MSL2: variants seen among roughly 807,000 people sequenced by gnomAD.
MSL2 encodes the protein E3 ubiquitin-protein ligase MSL2.
In MSL2, 2 loss-of-function variants were observed where a neutral mutation model predicts 35.8. The ratio of observed to expected loss-of-function variants is 0.06; its 90% CI spans 0.02 to 0.18. The LOEUF (loss-of-function observed/expected upper bound fraction) is 0.18. Ranked by LOEUF, MSL2 falls within the 10% of genes least tolerant of loss-of-function variation. The pLI is 1.00. For missense variants in MSL2, 523 were observed against 706.7 expected (o/e 0.74, Z 2.95); for synonymous variants, 296 against 255.7 (o/e 1.16, Z -1.50).
chr3:136,195,291 A>T lies in MSL2; in HGVS notation c.-178T>A. ...TGTGGAGCTGAAACAATCCTCCCAC[A>T]CATGGGGCCTTGGCGCCCCTCCGTC... On this transcript the variant is annotated 5_prime_UTR_variant, in exon 1 of 2. Coordinates refer to ENST00000309993, the MANE Select transcript of MSL2 (RefSeq NM_018133.4). The T allele has an allele frequency of 3.5e-6, 5 of 1,422,500 alleles. No individual in the cohort carries two copies. Among genetic ancestry groups the T allele is most frequent in the Non-Finnish European group, 3.7e-6 (4 of 1,094,288 alleles). 88.1% of individuals were successfully genotyped at this position (1,422,500 alleles called of 1,614,324 possible). A position where few individuals can be genotyped will look rare whatever the true frequency, so the allele number is the denominator to read the frequency against.
rs1940820795 is a variant in MSL2, at chr3:136,195,649, G to A, written c.-536C>T. The A allele has an allele frequency of 2.0e-6, 2 of 980,406 alleles. No individual in the cohort carries two copies. The highest frequency in any genetic ancestry group is 4.7e-5 in the South Asian group (1 of 21,248). 60.7% of individuals were successfully genotyped at this position (980,406 alleles called of 1,614,324 possible). On this transcript the variant is annotated 5_prime_UTR_variant, in exon 1 of 2. Transcript: ENST00000309993. ...ACGACGGTCGGGCAGCGGCTTCCCG[G>A]ATCTAGTGCAAGACGCCGCGGCGGC...
At chr3:136,190,481 G>T (rs1940656654) in intron 1 of MSL2, among the ~76,000 whole-genome samples, 1 of 151,414 alleles carries the variant, frequency 6.6e-6, no homozygotes, top group Non-Finnish European at 1.5e-5. Context: ...GGAGTTGGAG[G>T]CTGCAGTGAA....
At chr3:136,160,734 G>A (rs1019315538) in intron 1 of MSL2, among the ~76,000 whole-genome samples, 6 of 150,240 alleles carry the variant, frequency 4.0e-5, no homozygotes, top group Non-Finnish European at 7.4e-5. Context: ...AATTCAAATC[G>A]GTAAAATGAC....
chr3:136,152,332 G>A lies in MSL2; in HGVS notation c.549C>T (p.Ser183=). 1 of 1,614,136 alleles carries A rather than the reference G, an allele frequency of 6.2e-7. No homozygotes were observed. Among genetic ancestry groups the A allele is most frequent in the South Asian group, 1.1e-5 (1 of 91,090 alleles). ...SLSPMSESTL[S]IAIGSSVING... is the part of the protein sequence containing the mutation. ...TGATAACAGAACTGCCAATAGCAAT[G>A]CTGAGGGTGCTTTCAGACATTGGAG... The change falls in exon 2 of 2, where the codon AGC becomes AGT. Residue 183 remains serine, a synonymous_variant. Transcript: ENST00000309993.
chr3:136,162,800 G>T (rs1002231817), intron 1 of MSL2, among the ~76,000 whole-genome samples: 2 of 152,090 alleles, frequency 1.3e-5, no homozygotes, highest in African/African-American at 4.8e-5. Flanking sequence ...ACAATCCAAA[G>T]AGTAACTATT....
chr3:136,180,681 CAG>C lies in MSL2; in HGVS notation c.142+14289_142+14290del, dbSNP rs370961704. 7.3e-3 allele frequency among the ~76,000 whole-genome samples: 1,078 copies of C among 147,776 alleles called. 17 individuals carry two copies. The highest frequency in any genetic ancestry group is 0.026 in the African/African-American group (1,017 of 39,870). On this transcript the variant is annotated intron_variant, in intron 1 of 1. Coordinates refer to ENST00000309993, the MANE Select transcript of MSL2 (RefSeq NM_018133.4). ...CACCACTGCACTCCAGCCTGGGCGA[CAG>C]AGCAAGACTCCGTCTCAGAAAAAAA...
chr3:136,153,077 TTAAAA>T, intron 1 of MSL2: 1 of 984,890 alleles, frequency 1.0e-6, no homozygotes, highest in Non-Finnish European at 1.2e-6. Flanking sequence ...CAAACTAGGG[TTAAAA>T]CCCTTTGGAT....
chr3:136,151,755 G>A lies in MSL2; in HGVS notation c.1126C>T (p.Arg376Trp). The change falls in exon 2 of 2, where the codon CGG becomes TGG. Residue 376 changes from arginine (R) to tryptophan (W), a missense_variant. This residue lies in a region of MSL2 where 361 missense variants were observed against 414.6 expected (regional missense o/e 0.87). Coordinates refer to ENST00000309993, the MANE Select transcript of MSL2 (RefSeq NM_018133.4). The surrounding 1 kb of genome is among the most constrained non-coding windows in gnomAD (Gnocchi z 5.2). ...LGASAPVTVK[R>W]ESKISLQPIA... ...GGTTGAAGAGAAATTTTGCTCTCCC[G>A]TTTCACTGTCACAGGAGCAGATGCC... 1.2e-6 allele frequency: 2 copies of A among 1,614,138 alleles called. No homozygotes were observed. Among genetic ancestry groups the A allele is most frequent in the Non-Finnish European group, 1.7e-6 (2 of 1,180,032 alleles).
chr3:136,179,677 G>A (rs1559968594), intron 1 of MSL2, among the ~76,000 whole-genome samples: 1 of 152,150 alleles, frequency 6.6e-6, no homozygotes, highest in East Asian at 1.9e-4. Flanking sequence ...CAGCATATTA[G>A]GCAAGATTAT....
intron 1 of MSL2, among the ~76,000 whole-genome samples, chr3:136,181,166 A>G (rs1427009516): frequency 6.6e-6 from 1 of 151,860 alleles, no homozygotes; most frequent in Non-Finnish European, 1.5e-5. Flanking sequence ...AAAAAGAAAA[A>G]AGTAACAAAA....
intron 1 of MSL2, among the ~76,000 whole-genome samples, chr3:136,176,463 C>G (rs1006317304): frequency 7.0e-6 from 1 of 142,658 alleles, no homozygotes; most frequent in Admixed American, 7.4e-5. Context: ...TGTATTGAGC[C>G]AAGATCGTGT....
intron 1 of MSL2, among the ~76,000 whole-genome samples, chr3:136,161,481 G>A (rs1039712984): frequency 6.6e-6 from 1 of 152,196 alleles, no homozygotes; most frequent in Non-Finnish European, 1.5e-5. Context: ...CCATTAATTG[G>A]TGAGTAGATA....
rs71157361 is a variant in MSL2 at position 136,159,354 on chromosome 3, C to CTTTTTTTTTTTTTTTTTTTT, written c.143-6636_143-6617dup. 2.0e-4 allele frequency among the ~76,000 whole-genome samples: 14 copies of CTTTTTTTTTTTTTTTTTTTT among 70,052 alleles called. 2 individuals are homozygous for CTTTTTTTTTTTTTTTTTTTT. Among genetic ancestry groups the CTTTTTTTTTTTTTTTTTTTT allele is most frequent in the African/African-American group, 7.2e-4 (13 of 17,990 alleles). 46.0% of individuals were successfully genotyped at this position (70,052 alleles called of 152,430 possible). A position where few individuals can be genotyped will look rare whatever the true frequency, so the allele number is the denominator to read the frequency against. ...TTCAATGGGGAAAGGAGAGTACTTT[C>CTTTTTTTTTTTTTTTTTTTT]TTTTTTTTTTTTTTTTTTTTTTTTT... On this transcript the variant is annotated intron_variant, in intron 1 of 1. Transcript: ENST00000309993.
rs1419786420 is a variant in MSL2, at chr3:136,195,475, T to C, written c.-362A>G. On this transcript the variant is annotated 5_prime_UTR_variant, in exon 1 of 2. An upstream start codon of the reference 5' UTR is lost. Coordinates refer to ENST00000309993, the MANE Select transcript of MSL2 (RefSeq NM_018133.4). ...GCAGGCGGCCTGCACTCGAGCTCCA[T>C]CTCCGGACACGGAGGCGCCTCCTCA... 21 of 1,021,128 alleles carry C rather than the reference T, an allele frequency of 2.1e-5. No individual in the cohort carries two copies. The highest frequency in any genetic ancestry group is 2.2e-5 in the Non-Finnish European group (19 of 852,880). 63.3% of individuals were successfully genotyped at this position (1,021,128 alleles called of 1,614,324 possible). A position where few individuals can be genotyped will look rare whatever the true frequency, so the allele number is the denominator to read the frequency against.
chr3:136,167,290 T>G (rs1283494337), intron 1 of MSL2, among the ~76,000 whole-genome samples: 2 of 152,056 alleles, frequency 1.3e-5, no homozygotes, highest in Non-Finnish European at 2.9e-5. Context: ...AATGAAAATT[T>G]CAGTAAAATA....
intron 1 of MSL2, among the ~76,000 whole-genome samples, chr3:136,161,171 G>A (rs189375166): frequency 9.9e-5 from 15 of 152,284 alleles, no homozygotes; most frequent in Admixed American, 7.8e-4. Flanking sequence ...GCACACTACT[G>A]CCCACCCATT....
intron 1 of MSL2, among the ~76,000 whole-genome samples, chr3:136,176,291 A>G (rs186985547): frequency 6.6e-6 from 1 of 152,184 alleles, no homozygotes; most frequent in Non-Finnish European, 1.5e-5. Flanking sequence ...CGGCAGGTGG[A>G]TTGCTTGAGT....
Position 136,150,977 on chromosome 3 carries a change from A to G in MSL2, c.*170T>C. On this transcript the variant is annotated 3_prime_UTR_variant, in exon 2 of 2. Coordinates refer to ENST00000309993, the MANE Select transcript of MSL2 (RefSeq NM_018133.4). ...CATATAGTTGTAGGGTTACTCCTCC[A>G]TTATCTGCAAACTATTTCCCCGACA... 1 of 706,776 alleles carries G rather than the reference A, an allele frequency of 1.4e-6. No homozygotes were observed. Among genetic ancestry groups the G allele is most frequent in the Non-Finnish European group, 2.3e-6 (1 of 427,166 alleles). 43.8% of individuals were successfully genotyped at this position (706,776 alleles called of 1,614,324 possible). A position where few individuals can be genotyped will look rare whatever the true frequency, so the allele number is the denominator to read the frequency against.
At position 136,150,745 on chromosome 3, in the gene MSL2, A is replaced by AT. The variant is rs1474300554; in HGVS notation, c.*401dup. 51 of 180,198 alleles carry AT rather than the reference A, an allele frequency of 2.8e-4. No individual in the cohort carries two copies. The highest frequency in any genetic ancestry group is 3.5e-4 in the Non-Finnish European group (29 of 82,610). The allele number at this position is 180,198 out of a possible 1,614,324, so 11.2% of individuals were successfully genotyped here. On this transcript the variant is annotated 3_prime_UTR_variant, in exon 2 of 2. Transcript: ENST00000309993. ...AGGCAGCACTGAGTTTCCTGAACTAATGGCTACTTTTCCACAAAAAAATTA... is the reference window on the plus strand; with the variant it reads ...AGGCAGCACTGAGTTTCCTGAACTAATTGGCTACTTTTCCACAAAAAAATTA...
Sources: gnomAD v4.1 joint callset for allele counts (sites outside exome capture counted in the v4.1 genomes callset) on GRCh38, gnomAD v4.1.1 for gene constraint, gnomAD v4.1.1 regional missense constraint, Gnocchi (gnomAD v3.1) non-coding constraint, MANE v1.5 for transcripts, NCBI Gene and HGNC (gene_info 2026-07-23, HGNC 2026-07-21) for gene names.